Variants in ZNF345 observed in about 807,000 individuals in gnomAD.
ZNF345 encodes the protein zinc finger protein 345, also known as zinc finger protein HZF10.
For missense variants in ZNF345, 527 were observed against 589.9 expected (o/e 0.89, Z 1.10); for synonymous variants, 166 against 187.9 (o/e 0.88, Z 0.95).
chr19:36,868,963 C>A (rs187557497), intron 2 of ZNF345, among the ~76,000 whole-genome samples: 79 of 152,220 alleles, frequency 5.2e-4, no homozygotes, highest in African/African-American at 1.9e-3. Context: ...ATTGAATCTG[C>A]AGATTATTTT....
At chr19:36,888,543 G>A (rs1273196097) in intron 3 of ZNF345, 5 of 152,064 alleles carry the variant, frequency 3.3e-5, no homozygotes, top group African/African-American at 1.2e-4. Flanking sequence ...TTTTAAAAAA[G>A]CATTCTTAAT....
intron 3 of ZNF345, among the ~76,000 whole-genome samples, chr19:36,884,846 CTT>C (rs991609004): frequency 6.9e-4 from 105 of 152,294 alleles, no homozygotes; most frequent in African/African-American, 2.4e-3. Context: ...CAAGACCTCT[CTT>C]TGGGTGAAGT....
intron 2 of ZNF345, among the ~76,000 whole-genome samples, chr19:36,857,563 C>G (rs910138793): frequency 6.6e-6 from 1 of 152,164 alleles, no homozygotes; most frequent in Non-Finnish European, 1.5e-5. Context: ...CCCGCCTCAG[C>G]CTCCCAAAGT....
chr19:36,891,312 G>C (rs2146222225), intron 3 of ZNF345: 2 of 581,726 alleles, frequency 3.4e-6, no homozygotes, highest in East Asian at 6.2e-5. Context: ...TAAACTATGA[G>C]AGAATAAATT....
At chr19:36,876,405 G>A (rs1481760018) in intron 2 of ZNF345, among the ~76,000 whole-genome samples, 2 of 152,090 alleles carry the variant, frequency 1.3e-5, no homozygotes, top group Admixed American at 1.3e-4. Flanking sequence ...ATTTATAAAT[G>A]TTTATAGCAC....
At position 36,853,880 on chromosome 19, in the gene ZNF345, T is replaced by C. The variant is rs189237956; in HGVS notation, c.-47+1976T>C. Among the ~76,000 whole-genome samples the C allele has an allele frequency of 1.2e-4, 19 of 152,330 alleles. No homozygotes were observed. The East Asian group carries it at 3.3e-3, about 26-fold the overall frequency. Reference sequence around the variant, plus strand: ...AGAGTGTCTTGGCTATTTGTGTTTCTTTGTATTTTCGTGTCAATTGTTGAA... The same window carrying C: ...AGAGTGTCTTGGCTATTTGTGTTTCCTTGTATTTTCGTGTCAATTGTTGAA... On this transcript the variant is annotated intron_variant, in intron 2 of 2. Coordinates refer to ENST00000420450, the MANE Select transcript of ZNF345 (RefSeq NM_001242472.2).
intron 3 of ZNF345, among the ~76,000 whole-genome samples, chr19:36,892,646 A>G (rs2073069080): frequency 6.6e-6 from 1 of 152,198 alleles, no homozygotes; most frequent in African/African-American, 2.4e-5. Flanking sequence ...GAGAGGTAAT[A>G]AAAGAAGCTG....
chr19:36,880,478 G>A (rs1396661001), downstream of ZNF345, among the ~76,000 whole-genome samples: 1 of 152,070 alleles, frequency 6.6e-6, no homozygotes, highest in Non-Finnish European at 1.5e-5. Context: ...GTACTCATCT[G>A]CATGATTCTT....
rs1430398887 is a variant in ZNF345, at chr19:36,877,252, C to T, written c.422C>T (p.Thr141Ile). The T allele has an allele frequency of 1.2e-6, 2 of 1,613,944 alleles. No homozygotes were observed. Among genetic ancestry groups the T allele is most frequent in the African/African-American group, 1.3e-5 (1 of 74,898 alleles). The change falls in exon 3 of 3, where the codon ACT becomes ATT. Residue 141 changes from threonine (T) to isoleucine (I), a missense_variant. By Grantham distance (89) the Thr-to-Ile change is moderately conservative. Transcript: ENST00000420450. ...SNLTHHQRIH[T>I]GEKPYECKEC... The stretch of plus-strand genomic sequence containing the variant: ...CTTACTCACCATCAGAGAATTCATA[C>T]TGGTGAGAAACCCTATGAGTGTAAG...
At chr19:36,852,020 A>G (rs1180641734) in intron 2 of ZNF345, 116 bp downstream of exon 2, 1 of 151,466 alleles carries the variant, frequency 6.6e-6, no homozygotes, top group Non-Finnish European at 1.5e-5. Context: ...TGGAGTTTCC[A>G]TTTTGAGAAA....
chr19:36,891,284 G>T, intron 3 of ZNF345: 2 of 503,686 alleles, frequency 4.0e-6, no homozygotes, highest in Non-Finnish European at 6.7e-6. Context: ...GCACCCTTGA[G>T]TTTAGATTTC....
exon 4 of ZNF345, chr19:36,892,861 G>A (rs1194182105): frequency 1.7e-5 from 20 of 1,146,462 alleles, no homozygotes; most frequent in East Asian, 6.3e-5. Flanking sequence ...GTGTCTCCTC[G>A]TCGTACAGCT....
intron 2 of ZNF345, among the ~76,000 whole-genome samples, chr19:36,868,551 T>A (rs939744371): frequency 1.3e-5 from 2 of 152,138 alleles, no homozygotes; most frequent in Non-Finnish European, 2.9e-5. Context: ...TGAGTCCTAC[T>A]TTTTCATTTT....
chr19:36,862,699 G>T (rs926158817), intron 2 of ZNF345, among the ~76,000 whole-genome samples: 2 of 148,634 alleles, frequency 1.3e-5, no homozygotes, highest in Non-Finnish European at 3.0e-5. Flanking sequence ...TTAAAACTAT[G>T]CAAAAAGGTA....
exon 4 of ZNF345, chr19:36,892,824 C>G (rs771493994): frequency 2.3e-6 from 2 of 869,396 alleles, no homozygotes; most frequent in African/African-American, 1.8e-5. Flanking sequence ...CCAGATCCCC[C>G]ACAGGCGCTG....
intron 3 of ZNF345, chr19:36,892,199 G>C: frequency 6.2e-7 from 1 of 1,614,124 alleles, no homozygotes; most frequent in Non-Finnish European, 8.5e-7. Flanking sequence ...CGAGTAACGA[G>C]TGAGCCACGA....
chr19:36,869,796 C>A (rs113372622), intron 2 of ZNF345, among the ~76,000 whole-genome samples: 1 of 147,644 alleles, frequency 6.8e-6, no homozygotes, highest in Admixed American at 6.8e-5. Context: ...GAGTCTTGCT[C>A]TGTCGCCCCG....
intron 2 of ZNF345, among the ~76,000 whole-genome samples, chr19:36,860,692 A>G (rs944807489): frequency 3.9e-5 from 6 of 152,224 alleles, no homozygotes; most frequent in Non-Finnish European, 8.8e-5. Context: ...CTCAGGAGAT[A>G]CATGATTTTG....
chr19:36,892,263 T>A, intron 3 of ZNF345: 1 of 1,613,990 alleles, frequency 6.2e-7, no homozygotes, highest in East Asian at 2.2e-5. Context: ...CAAAATGAAT[T>A]CTCTGATGTT....
Sources: allele counts gnomAD v4.1 joint callset (sites outside exome capture counted in the v4.1 genomes callset), GRCh38; gene constraint gnomAD v4.1.1; transcripts MANE v1.5; gene names NCBI Gene and HGNC (gene_info 2026-07-23, HGNC 2026-07-21).